The following PACSIN2 variants were observed in gnomAD, a reference collection of about 807,000 sequenced individuals.
PACSIN2 encodes the protein protein kinase C and casein kinase substrate in neurons protein 2.
Under a neutral mutation model 63.8 loss-of-function variants are expected in PACSIN2, and 25 were observed. That is an observed-to-expected ratio of 0.39 (90% confidence interval 0.29 to 0.55). The LOEUF (loss-of-function observed/expected upper bound fraction) is 0.55. Ranked by LOEUF, PACSIN2 falls within the 20% of genes least tolerant of loss-of-function variation. PACSIN2 has a pLI of 0.62. For missense variants in PACSIN2, 518 were observed against 646.9 expected, an observed-to-expected ratio of 0.80 and a Z score of 2.16; for synonymous variants, 255 against 256.2, an observed-to-expected ratio of 1.00 and a Z score of 0.05.
chr22:42,913,838 A>G (rs1931631724), intron 1 of PACSIN2, among the ~76,000 whole-genome samples: 1 of 152,182 alleles, frequency 6.6e-6, no homozygotes, highest in Non-Finnish European at 1.5e-5. Flanking sequence ...TCTCTCCATT[A>G]CACCAAGATG....
At chr22:42,898,571 G>C (rs1173687863) in intron 2 of PACSIN2, among the ~76,000 whole-genome samples, 1 of 152,018 alleles carries the variant, frequency 6.6e-6, no homozygotes, top group Admixed American at 6.5e-5. Context: ...GTGCCCGGCT[G>C]AGAACCTCCT....
At position 42,912,100 on chromosome 22, in the gene PACSIN2, G is replaced by A. The variant is rs1433449401; in HGVS notation, c.-20C>T. The A allele has an allele frequency of 1.3e-6, 2 of 1,578,898 alleles. No homozygotes were observed. The highest frequency in any genetic ancestry group is 2.3e-5 in the East Asian group (1 of 43,068). On this transcript the variant is annotated 5_prime_UTR_variant, in exon 2 of 11. Coordinates refer to ENST00000263246, the MANE Select transcript of PACSIN2 (RefSeq NM_001184970.3). Reference sequence around the variant, plus strand: ...AGACATTTTTTCAAAGGCTGAGGGAGCAGCAAAGTATACTTAGTCAGGGGT... The same window carrying A: ...AGACATTTTTTCAAAGGCTGAGGGAACAGCAAAGTATACTTAGTCAGGGGT...
Position 42,884,478 on chromosome 22 carries a change from C to A in PACSIN2, c.693G>T (p.Glu231Asp), listed in dbSNP as rs769162988. 33 of 1,614,098 alleles carry A rather than the reference C, an allele frequency of 2.0e-5. No individual in the cohort carries two copies. Among genetic ancestry groups the A allele is most frequent in the Admixed American group, 3.3e-5 (2 of 60,012 alleles). Reference protein sequence around the residue: ...QYMENMEQVFEQCQQFEEKRL... With the variant: ...QYMENMEQVFDQCQQFEEKRL... ...GTTTCTCCTCGAACTGCTGGCACTG[C>A]TCAAACACCTGCTCCATGTTCTCCA... The change falls in exon 6 of 11, where the codon GAG becomes GAT. Residue 231 changes from glutamate (E) to aspartate (D), a missense_variant. Physicochemically the swap from Glu to Asp is conservative, Grantham distance 45. Around this residue, in one of 2 missense-constraint regions of PACSIN2, gnomAD observed 507 missense variants for 612.3 expected, o/e 0.83. Transcript: ENST00000263246.
intron 3 of PACSIN2, among the ~76,000 whole-genome samples, chr22:42,891,864 C>T (rs979788052): frequency 1.1e-4 from 16 of 152,240 alleles, no homozygotes; most frequent in East Asian, 1.9e-4. Flanking sequence ...ACCATGCCAA[C>T]GCTTCTCCTG....
chr22:42,893,455 A>G lies in PACSIN2; in HGVS notation c.217+2T>C, dbSNP rs1602197056. The stretch of plus-strand genomic sequence containing the variant: ...CACAGGACCTGTGCCGGGGCCCCAT[A>G]CCTTTCTCCACGAGCTGCCTCCAGC... On this transcript the variant is annotated splice_donor_variant, in intron 3 of 10. Transcript: ENST00000263246. LOFTEE classifies it high-confidence loss of function. The G allele has an allele frequency of 6.2e-7, 1 of 1,611,246 alleles. No individual in the cohort carries two copies. The highest frequency in any genetic ancestry group is 1.3e-5 in the African/African-American group (1 of 74,808).
In PACSIN2 at chr22:42,871,209, G is replaced by A. The variant is rs937741645; in HGVS notation, c.*148C>T. ...AAAGGTGCCGAGTCCCAGGCGAAAT[G>A]ACCAGCTCATCTGCCTTCCAGGAAC... On this transcript the variant is annotated 3_prime_UTR_variant, in exon 11 of 11. Coordinates refer to ENST00000263246, the MANE Select transcript of PACSIN2 (RefSeq NM_001184970.3). The surrounding 1 kb of genome is among the most constrained non-coding windows in gnomAD (Gnocchi z 5.4). The A allele has an allele frequency of 3.1e-6, 2 of 639,490 alleles. No homozygotes were observed. The highest frequency in any genetic ancestry group is 5.7e-6 in the Non-Finnish European group (2 of 350,992). The allele number at this position is 639,490 out of a possible 1,614,324, so 39.6% of individuals were successfully genotyped here. A position where few individuals can be genotyped will look rare whatever the true frequency, so the allele number is the denominator to read the frequency against.
chr22:43,009,628 G>A (rs149464427), intron 1 of PACSIN2, among the ~76,000 whole-genome samples: 27 of 152,302 alleles, frequency 1.8e-4, no homozygotes, highest in African/African-American at 5.5e-4. Context: ...GGGTTGGTCA[G>A]GGAAAGGCTG....
rs1160565529 is a variant in PACSIN2, at chr22:42,987,530, C to CTTTTT, written c.-78+27486_-78+27490dup. ...TGTTCAGAAGACGGGCACATTCATT[C>CTTTTT]TTTTTTTTTTTTTTTTTTGAGACAG... On this transcript the variant is annotated intron_variant, in intron 1 of 10. Transcript: ENST00000263246. 9.6e-5 allele frequency among the ~76,000 whole-genome samples: 5 copies of CTTTTT among 52,028 alleles called. 1 individual carries two copies. The highest frequency in any genetic ancestry group is 2.0e-3 in the East Asian group (2 of 1,014). The allele number at this position is 52,028 out of a possible 152,430, so 34.1% of individuals were successfully genotyped here. A position where few individuals can be genotyped will look rare whatever the true frequency, so the allele number is the denominator to read the frequency against.
intron 1 of PACSIN2, chr22:42,945,826 T>C (rs1569307812): frequency 6.6e-6 from 1 of 152,476 alleles, no homozygotes; most frequent in Non-Finnish European, 1.5e-5. Flanking sequence ...TCATTCTCCA[T>C]GACATTACTG....
intron 1 of PACSIN2, among the ~76,000 whole-genome samples, chr22:42,933,027 T>C (rs923886078): frequency 2.6e-5 from 4 of 152,268 alleles, no homozygotes; most frequent in Non-Finnish European, 5.9e-5. Flanking sequence ...AGTTGCTGTA[T>C]CATTGAATCA....
In PACSIN2 at chr22:42,980,079, AAAAG is replaced by A. The variant is rs759915415; in HGVS notation, c.-78+34938_-78+34941del. ...TTAAAACAAGTTGTTAATTAAAAAA[AAAAG>A]AAAGAAAGAAACAATCTGCTAACTA... On this transcript the variant is annotated intron_variant, in intron 1 of 10. Transcript: ENST00000263246. Among the ~76,000 whole-genome samples the A allele has an allele frequency of 3.9e-4, 60 of 152,350 alleles. 1 individual carries two copies. The highest frequency in any genetic ancestry group is 6.3e-4 in the African/African-American group (26 of 41,588).
chr22:42,968,159 G>C (rs944897504), intron 1 of PACSIN2, among the ~76,000 whole-genome samples: 1 of 152,122 alleles, frequency 6.6e-6, no homozygotes, highest in African/African-American at 2.4e-5. Flanking sequence ...GTGTGTCCTG[G>C]ACCTCCACAA....
intron 1 of PACSIN2, among the ~76,000 whole-genome samples, chr22:42,948,396 C>T (rs1035320327): frequency 2.0e-5 from 3 of 152,216 alleles, no homozygotes; most frequent in Non-Finnish European, 2.9e-5. Flanking sequence ...GAGGTCACAC[C>T]CATCAGAAGC....
intron 2 of PACSIN2, among the ~76,000 whole-genome samples, chr22:42,901,104 G>A (rs1331792150): frequency 6.6e-6 from 1 of 152,140 alleles, no homozygotes; most frequent in Admixed American, 6.5e-5. Flanking sequence ...TTTAACCTCA[G>A]GATGATCTTC....
chr22:42,914,823 G>A (rs1931705985), intron 1 of PACSIN2, among the ~76,000 whole-genome samples: 1 of 152,172 alleles, frequency 6.6e-6, no homozygotes, highest in South Asian at 2.1e-4. Context: ...ATGCAGCTGT[G>A]GTCTTGACAC....
Position 42,871,384 on chromosome 22 carries a change from C to T in PACSIN2, c.1434G>A (p.Pro478=), listed in dbSNP as rs757424459. Residue 478 remains proline, a synonymous_variant, in exon 11 of 11, where the codon CCG becomes CCA. Coordinates refer to ENST00000263246, the MANE Select transcript of PACSIN2 (RefSeq NM_001184970.3). The surrounding 1 kb of genome is among the most constrained non-coding windows in gnomAD (Gnocchi z 5.4). ...ACTGGATCGCCTCCACATAATTTGC[C>T]GGGTATAGGCCAACTTGCCCGTTGT... ...RLDNGQVGLY[P]ANYVEAIQ 26 of 1,613,724 alleles carry T rather than the reference C, an allele frequency of 1.6e-5. No homozygotes were observed. The highest frequency in any genetic ancestry group is 3.3e-5 in the South Asian group (3 of 91,080).
At chr22:42,937,774 C>A (rs1049653562) in intron 1 of PACSIN2, among the ~76,000 whole-genome samples, 1 of 152,386 alleles carries the variant, frequency 6.6e-6, no homozygotes, top group Non-Finnish European at 1.5e-5. Flanking sequence ...CCATGGCACC[C>A]ATGCAGCTCC....
At chr22:42,902,953 C>A (rs1430644659) in intron 2 of PACSIN2, among the ~76,000 whole-genome samples, 1 of 152,218 alleles carries the variant, frequency 6.6e-6, no homozygotes, top group Non-Finnish European at 1.5e-5. Context: ...CACGAGCTCT[C>A]TCCATGGTAG....
At position 42,912,119 on chromosome 22, in the gene PACSIN2, C is replaced by T. The variant is rs963047354; in HGVS notation, c.-39G>A. On this transcript the variant is annotated 5_prime_UTR_variant, in exon 2 of 11. Transcript: ENST00000263246. ...GAGGGAGCAGCAAAGTATACTTAGTCAGGGGTCAACTTCGAACGCTCAAAA... is the reference window on the plus strand; with the variant it reads ...GAGGGAGCAGCAAAGTATACTTAGTTAGGGGTCAACTTCGAACGCTCAAAA... 9 of 1,456,330 alleles carry T rather than the reference C, an allele frequency of 6.2e-6. No individual in the cohort carries two copies. The highest frequency in any genetic ancestry group is 6.6e-6 in the Non-Finnish European group (7 of 1,062,246). The allele number at this position is 1,456,330 out of a possible 1,614,324, so 90.2% of individuals were successfully genotyped here.
Sources: gnomAD v4.1 joint callset for allele counts (sites outside exome capture counted in the v4.1 genomes callset) on GRCh38, gnomAD v4.1.1 for gene constraint, gnomAD v4.1.1 regional missense constraint, Gnocchi (gnomAD v3.1) non-coding constraint, MANE v1.5 for transcripts, NCBI Gene and HGNC (gene_info 2026-07-23, HGNC 2026-07-21) for gene names.